Variants in PLPPR1 observed in about 807,000 individuals in gnomAD.
PLPPR1 encodes the protein phospholipid phosphatase related 1.
Under a neutral mutation model 33.1 loss-of-function variants are expected in PLPPR1, and 10 were observed. The ratio of observed to expected loss-of-function variants is 0.30; its 90% CI spans 0.19 to 0.51. PLPPR1 has a LOEUF of 0.51. Ranked by LOEUF, PLPPR1 falls within the 20% of genes least tolerant of loss-of-function variation. PLPPR1 has a pLI of 0.97. For synonymous variants in PLPPR1, 151 were observed against 151.0 expected (o/e 1.00, Z 0.00); for missense variants, 304 against 408.1 (o/e 0.74, Z 2.20).
At chr9:101,181,735 G>A (rs1826116517) in intron 1 of PLPPR1, among the ~76,000 whole-genome samples, 1 of 1,298 alleles carries the variant, frequency 7.7e-4, no homozygotes, top group South Asian at 0.031. Flanking sequence ...GGGTGTGTGT[G>A]TGTATATATA....
At chr9:101,227,755 T>G (rs1332911307) in intron 2 of PLPPR1, among the ~76,000 whole-genome samples, 1 of 152,106 alleles carries the variant, frequency 6.6e-6, no homozygotes, top group African/African-American at 2.4e-5. Flanking sequence ...GATGTGAAGT[T>G]TCTAGTTTTT....
intron 1 of PLPPR1, among the ~76,000 whole-genome samples, chr9:101,097,947 G>T (rs749785998): frequency 2.0e-5 from 3 of 152,202 alleles, no homozygotes; most frequent in Non-Finnish European, 2.9e-5. Flanking sequence ...ACGAGGAGTA[G>T]AGAATGAGAC....
intron 1 of PLPPR1, among the ~76,000 whole-genome samples, chr9:101,075,326 CT>C (rs1830523179): frequency 6.6e-6 from 1 of 152,178 alleles, no homozygotes; most frequent in African/African-American, 2.4e-5. Flanking sequence ...CACCATTGGT[CT>C]TTTTATAAAA....
intron 1 of PLPPR1, among the ~76,000 whole-genome samples, chr9:101,044,850 G>T (rs533608384): frequency 1.3e-5 from 2 of 152,238 alleles, no homozygotes; most frequent in South Asian, 4.1e-4. Context: ...TTCATACAGG[G>T]AATCTCTTTA....
At chr9:101,167,186 T>TGTG (rs1825872610) in intron 1 of PLPPR1, among the ~76,000 whole-genome samples, 9 of 23,178 alleles carry the variant, frequency 3.9e-4, no homozygotes, top group African/African-American at 5.7e-4. Flanking sequence ...GTGTGTGTCT[T>TGTG]TCTCTCTCTC....
At chr9:101,323,722 C>A (rs1420082578) in intron 7 of PLPPR1, among the ~76,000 whole-genome samples, 1 of 151,990 alleles carries the variant, frequency 6.6e-6, no homozygotes, top group African/African-American at 2.4e-5. Flanking sequence ...GCCTGTAATC[C>A]CAGCTACTTG....
intron 1 of PLPPR1, among the ~76,000 whole-genome samples, chr9:101,133,879 C>G (rs1273759160): frequency 6.6e-6 from 1 of 152,208 alleles, no homozygotes; most frequent in Admixed American, 6.5e-5. Flanking sequence ...CCTTACTACT[C>G]TGAGTTTTGG....
At chr9:101,099,144 T>G (rs1305367242) in intron 1 of PLPPR1, among the ~76,000 whole-genome samples, 1 of 151,778 alleles carries the variant, frequency 6.6e-6, no homozygotes, top group Non-Finnish European at 1.5e-5. Context: ...TCAGTGGGGA[T>G]GTGAATATTT....
chr9:101,100,648 A>G (rs570511000), intron 1 of PLPPR1, among the ~76,000 whole-genome samples: 3 of 152,018 alleles, frequency 2.0e-5, no homozygotes, highest in African/African-American at 7.2e-5. Flanking sequence ...CTGATAATAT[A>G]TGGGAGAAGC....
At chr9:101,172,117 A>T (rs1295773767) in intron 1 of PLPPR1, among the ~76,000 whole-genome samples, 1 of 152,140 alleles carries the variant, frequency 6.6e-6, no homozygotes, top group Non-Finnish European at 1.5e-5. Context: ...ATTTTGAGGA[A>T]CTTCTAGGGA....
intron 1 of PLPPR1, among the ~76,000 whole-genome samples, chr9:101,115,508 A>G (rs964950975): frequency 1.3e-5 from 2 of 152,236 alleles, no homozygotes; most frequent in Admixed American, 6.5e-5. Context: ...AGATTGAAAG[A>G]TGTGTCTTTT....
At chr9:101,266,890 C>T (rs1312154445) in intron 2 of PLPPR1, among the ~76,000 whole-genome samples, 1 of 152,074 alleles carries the variant, frequency 6.6e-6, no homozygotes, top group Non-Finnish European at 1.5e-5. Context: ...AGTGGTAGCA[C>T]AAAGATACCC....
At chr9:101,209,847 A>G (rs532478317) in intron 2 of PLPPR1, among the ~76,000 whole-genome samples, 5 of 152,206 alleles carry the variant, frequency 3.3e-5, no homozygotes, top group Non-Finnish European at 7.3e-5. Context: ...GTTCTGGGTC[A>G]CAGCCTCGCT....
Position 101,060,682 on chromosome 9 carries a change from A to G in PLPPR1, c.-46+31580A>G, listed in dbSNP as rs181004926. On this transcript the variant is annotated intron_variant, in intron 1 of 7. Coordinates refer to ENST00000374874, the MANE Select transcript of PLPPR1 (RefSeq NM_207299.2). Reference sequence around the variant, plus strand: ...ATTTTTTAATGCATTAAAAATAATGAGTGTAAGCTTTACACTCTGTAGCAA... The same window carrying G: ...ATTTTTTAATGCATTAAAAATAATGGGTGTAAGCTTTACACTCTGTAGCAA... Among the ~76,000 whole-genome samples, 114 of 151,964 alleles carry G rather than the reference A, an allele frequency of 7.5e-4. 1 individual carries two copies. Among genetic ancestry groups the G allele is most frequent in the Admixed American group, 3.4e-3 (52 of 15,238 alleles).
chr9:101,115,602 C>T (rs934384589), intron 1 of PLPPR1, among the ~76,000 whole-genome samples: 2 of 152,196 alleles, frequency 1.3e-5, no homozygotes, highest in African/African-American at 4.8e-5. Flanking sequence ...AACCATATTG[C>T]ATAATAGCCT....
chr9:101,219,382 A>G (rs1826877499), intron 2 of PLPPR1, among the ~76,000 whole-genome samples: 1 of 152,216 alleles, frequency 6.6e-6, no homozygotes, highest in African/African-American at 2.4e-5. Context: ...CAACTTCATG[A>G]TAATTATCCT....
intron 1 of PLPPR1, among the ~76,000 whole-genome samples, chr9:101,095,867 C>A (rs79007851): frequency 0.019 from 2,948 of 152,174 alleles, 55 homozygotes; most frequent in African/African-American, 0.051. Context: ...TAAATGTTGA[C>A]CCAGTGTTGC....
chr9:101,038,639 CT>C, intron 1 of PLPPR1, among the ~76,000 whole-genome samples: 1 of 152,208 alleles, frequency 6.6e-6, no homozygotes, highest in African/African-American at 2.4e-5. Flanking sequence ...TAAACCAGTG[CT>C]GATTTCATTA....
At position 101,028,914 on chromosome 9, in the gene PLPPR1, C is replaced by G. The variant is rs1829902527; in HGVS notation, c.-234C>G. On this transcript the variant is annotated 5_prime_UTR_variant, in exon 1 of 8. Transcript: ENST00000374874. ...AAACACGGACACACACATACACACA[C>G]TCGCGCACACACTCGCACAAACACA... is the stretch of plus-strand genomic sequence containing the variant. 6.6e-6 allele frequency: 1 copy of G among 150,778 alleles called. No homozygotes were observed. The highest frequency in any genetic ancestry group is 2.1e-4 in the South Asian group (1 of 4,846). The allele number at this position is 150,778 out of a possible 1,614,324, so 9.3% of individuals were successfully genotyped here.
Sources: allele counts gnomAD v4.1 joint callset (sites outside exome capture counted in the v4.1 genomes callset), GRCh38; gene constraint gnomAD v4.1.1; transcripts MANE v1.5; gene names NCBI Gene and HGNC (gene_info 2026-07-23, HGNC 2026-07-21).